Variants in UBA6 observed in about 807,000 individuals in gnomAD.
The protein encoded by UBA6 is ubiquitin like modifier activating enzyme 6, also known as ubiquitin-like modifier-activating enzyme 6.
In UBA6, 87 loss-of-function variants were observed where a neutral mutation model predicts 148.3. That is an observed-to-expected ratio of 0.59 (90% confidence interval 0.49 to 0.70). The LOEUF (loss-of-function observed/expected upper bound fraction) is 0.70, where lower values mean the gene tolerates loss of function less well. UBA6 is among the 30% of genes least tolerant of loss of function. The probability of loss-of-function intolerance (pLI) is 0.00; values close to 1 mark genes in which losing one functional copy is unlikely to be tolerated. For synonymous variants in UBA6, 376 were observed against 401.0 expected, an observed-to-expected ratio of 0.94 and a Z score of 0.75; for missense variants, 1,186 against 1,241.2, an observed-to-expected ratio of 0.96 and a Z score of 0.67.
chr4:67,650,294 A>C (rs867475480), intron 13 of UBA6, among the ~76,000 whole-genome samples: 6 of 152,178 alleles, frequency 3.9e-5, no homozygotes, highest in Non-Finnish European at 7.4e-5. Context: ...GAAAACTGAA[A>C]CATTGAAAAA....
At chr4:67,643,093 G>A (rs576391635) in intron 17 of UBA6, among the ~76,000 whole-genome samples, 19 of 151,622 alleles carry the variant, frequency 1.3e-4, no homozygotes, top group South Asian at 1.2e-3. Flanking sequence ...TAACTTTAAA[G>A]TTTGTTCTAT....
chr4:67,679,211 A>C (rs1730366145), intron 4 of UBA6, among the ~76,000 whole-genome samples: 2 of 152,170 alleles, frequency 1.3e-5, no homozygotes, highest in East Asian at 3.9e-4. Flanking sequence ...ACCCACACAT[A>C]AACAGATACA....
intron 12 of UBA6, chr4:67,662,879 AT>A (rs916513447): frequency 2.6e-4 from 80 of 312,066 alleles, no homozygotes; most frequent in Middle Eastern, 9.3e-4. Flanking sequence ...AATTCTCAGA[AT>A]TTTTTTTGTT....
At chr4:67,622,601 C>T (rs1396301363) in intron 32 of UBA6, among the ~76,000 whole-genome samples, 1 of 152,212 alleles carries the variant, frequency 6.6e-6, no homozygotes, top group Non-Finnish European at 1.5e-5. Context: ...TCCACTTTTA[C>T]TTAAGTGTAC....
At chr4:67,653,912 C>T (rs187200420) in intron 13 of UBA6, among the ~76,000 whole-genome samples, 150 of 152,066 alleles carry the variant, frequency 9.9e-4, no homozygotes, top group African/African-American at 3.5e-3. Flanking sequence ...ATAGCTGATT[C>T]GATCAAATGG....
At chr4:67,680,427 G>GA (rs938526328) in intron 4 of UBA6, among the ~76,000 whole-genome samples, 1 of 152,128 alleles carries the variant, frequency 6.6e-6, no homozygotes, top group Non-Finnish European at 1.5e-5. Context: ...TACACATGTA[G>GA]AAATACCTGT....
chr4:67,654,108 A>G (rs568599759), intron 13 of UBA6, among the ~76,000 whole-genome samples: 3 of 152,174 alleles, frequency 2.0e-5, no homozygotes, highest in African/African-American at 7.2e-5. Flanking sequence ...CTTAGAAAAC[A>G]CTCTTCAGGG....
intron 2 of UBA6, among the ~76,000 whole-genome samples, chr4:67,691,068 A>G (rs9998837): frequency 0.38 from 58,465 of 151,914 alleles, 11,374 homozygotes; most frequent in Middle Eastern, 0.51. Flanking sequence ...GGTTTCAAAC[A>G]CACAGGTCCA....
At chr4:67,659,534 T>C (rs908910566) in intron 13 of UBA6, among the ~76,000 whole-genome samples, 4 of 121,348 alleles carry the variant, frequency 3.3e-5, no homozygotes, top group Non-Finnish European at 7.5e-5. Context: ...GATGGTATAG[T>C]TTCCTGAGGC....
chr4:67,624,747 T>C (rs919877288), intron 29 of UBA6, among the ~76,000 whole-genome samples: 16 of 152,112 alleles, frequency 1.1e-4, no homozygotes, highest in Admixed American at 6.6e-5. Context: ...AGTGAAAAGA[T>C]TATTGCCTAT....
chr4:67,678,121 A>C (rs1730333672), intron 5 of UBA6, among the ~76,000 whole-genome samples: 1 of 128,440 alleles, frequency 7.8e-6, no homozygotes, highest in Non-Finnish European at 1.7e-5. Flanking sequence ...TATATATTAT[A>C]TAATACATAT....
intron 2 of UBA6, among the ~76,000 whole-genome samples, chr4:67,684,166 T>C (rs1254217572): frequency 1.3e-5 from 2 of 152,204 alleles, no homozygotes; most frequent in Non-Finnish European, 2.9e-5. Flanking sequence ...TCAAAGTCTC[T>C]GCAATTTCAC....
chr4:67,649,349 T>C (rs1415241069), intron 13 of UBA6, 138 bp from the exon 14 acceptor site: 1 of 825,200 alleles, frequency 1.2e-6, no homozygotes, highest in African/African-American at 1.7e-5. Context: ...TCTCTAAAAA[T>C]GTCCCAATTT....
intron 15 of UBA6, among the ~76,000 whole-genome samples, chr4:67,646,260 A>T (rs1169543673): frequency 6.6e-6 from 1 of 152,126 alleles, no homozygotes; most frequent in African/African-American, 2.4e-5. Context: ...TAGAAAAAAA[A>T]TTTTCCTAAG....
rs1728611206 is a variant in UBA6 at position 67,615,705 on chromosome 4, A to G, written c.*3292T>C. On this transcript the variant is annotated 3_prime_UTR_variant, in exon 33 of 33. Transcript: ENST00000322244. ...ACAGACATAATGAAGAATAAAGTAC[A>G]GCTACAACCAACATGAATCAATCCC... The G allele has an allele frequency of 6.4e-6, 1 of 157,098 alleles. No individual in the cohort carries two copies. The highest frequency in any genetic ancestry group is 1.4e-5 in the Non-Finnish European group (1 of 71,408). The allele number at this position is 157,098 out of a possible 1,614,324, so 9.7% of individuals were successfully genotyped here. A position where few individuals can be genotyped will look rare whatever the true frequency, so the allele number is the denominator to read the frequency against.
chr4:67,689,772 C>CTACT (rs1354140238), intron 2 of UBA6, among the ~76,000 whole-genome samples: 3 of 151,688 alleles, frequency 2.0e-5, no homozygotes. Context: ...TTCCTGCCAA[C>CTACT]TACTTAGGCA....
At chr4:67,628,956 T>G in intron 27 of UBA6, 115 bp downstream of exon 27, 3 of 736,772 alleles carry the variant, frequency 4.1e-6, no homozygotes, top group Non-Finnish European at 7.2e-6. Context: ...CAAGTTGCAC[T>G]GACAAGAGCA....
At position 67,615,154 on chromosome 4, in the gene UBA6, G is replaced by C. The variant is rs1301990876; in HGVS notation, c.*3843C>G. ...CAGTGTTGGAGGTGAGGGCTGGTGGGAGGTGTTCGGGTTATGGGGATGGAT... is the reference window on the plus strand; with the variant it reads ...CAGTGTTGGAGGTGAGGGCTGGTGGCAGGTGTTCGGGTTATGGGGATGGAT... On this transcript the variant is annotated 3_prime_UTR_variant, in exon 33 of 33. Coordinates refer to ENST00000322244, the MANE Select transcript of UBA6 (RefSeq NM_018227.6). 6.6e-6 allele frequency: 1 copy of C among 152,242 alleles called. No individual in the cohort carries two copies. Among genetic ancestry groups the C allele is most frequent in the African/African-American group, 2.4e-5 (1 of 41,470 alleles). 9.4% of individuals were successfully genotyped at this position (152,242 alleles called of 1,614,324 possible).
chr4:67,690,610 C>A (rs1054376910), intron 2 of UBA6, among the ~76,000 whole-genome samples: 7 of 152,022 alleles, frequency 4.6e-5, no homozygotes, highest in Non-Finnish European at 7.4e-5. Flanking sequence ...CCTGAACTGA[C>A]CCAATTTTTA....
Sources: allele counts gnomAD v4.1 joint callset (sites outside exome capture counted in the v4.1 genomes callset), GRCh38; gene constraint gnomAD v4.1.1; transcripts MANE v1.5; gene names NCBI Gene and HGNC (gene_info 2026-07-23, HGNC 2026-07-21).